Variants in AGAP3 observed in about 807,000 individuals in gnomAD.
AGAP3 encodes ArfGAP with GTPase domain, ankyrin repeat and PH domain 3.
Under a neutral mutation model 96.9 loss-of-function variants are expected in AGAP3, and 24 were observed. The observed-to-expected ratio is 0.25, with a 90% CI of 0.18 to 0.35. The LOEUF (loss-of-function observed/expected upper bound fraction) is 0.35. Among genes scored for constraint, AGAP3 ranks in the 10% least tolerant of loss-of-function variants. AGAP3 has a pLI of 1.00. For missense variants in AGAP3, 876 were observed against 1,254.2 expected (o/e 0.70, Z 4.55); for synonymous variants, 563 against 536.1 (o/e 1.05, Z -0.69).
At position 151,139,950 on chromosome 7, in the gene AGAP3, C is replaced by T; in HGVS notation, c.1667-29C>T. 6.7e-7 allele frequency: 1 copy of T among 1,496,522 alleles called. No individual in the cohort carries two copies. Among genetic ancestry groups the T allele is most frequent in the East Asian group, 2.7e-5 (1 of 37,250 alleles). 92.7% of individuals were successfully genotyped at this position (1,496,522 alleles called of 1,614,324 possible). A position where few individuals can be genotyped will look rare whatever the true frequency, so the allele number is the denominator to read the frequency against. ...CTCCCCTCCTCTGCCTCCCTTCTTC[C>T]CACACTTCTCCAACTCTCCCCTCAC... is the stretch of plus-strand genomic sequence containing the variant. On this transcript the variant is annotated intron_variant, in intron 12 of 17. Transcript: ENST00000397238. This position sits in a 1 kb window ranked among gnomAD's most constrained non-coding sequence, Gnocchi z 4.9.
intron 1 of AGAP3, among the ~76,000 whole-genome samples, chr7:151,100,016 G>A (rs572506966): frequency 5.9e-5 from 9 of 152,266 alleles, no homozygotes; most frequent in African/African-American, 1.4e-4. Flanking sequence ...AAGAGCCCGC[G>A]GTGCTGCAGC....
chr7:151,113,282 G>C (rs758924860), intron 1 of AGAP3, among the ~76,000 whole-genome samples: 2 of 152,308 alleles, frequency 1.3e-5, no homozygotes, highest in East Asian at 1.9e-4. Flanking sequence ...CTTCCATTGT[G>C]GGGGGAACAT....
intron 2 of AGAP3, 45 bp downstream of exon 2, chr7:151,116,896 G>C (rs765380042): frequency 2.5e-6 from 4 of 1,611,258 alleles, no homozygotes; most frequent in East Asian, 2.2e-5. Flanking sequence ...GAGCTGGGGG[G>C]GCGAGGCTGG....
Position 151,108,774 on chromosome 7 carries a change from G to C in AGAP3, c.332-8019G>C, listed in dbSNP as rs1164573076. On this transcript the variant is annotated intron_variant, in intron 1 of 17. Coordinates refer to ENST00000397238, the MANE Select transcript of AGAP3 (RefSeq NM_031946.7). The surrounding 1 kb of genome is among the most constrained non-coding windows in gnomAD (Gnocchi z 4.2). ...TTCTGGAGTCCTGGGCCCTGCCCAGGCTCTGTCACTGCTGGGCTGTGTAAC... is the reference window on the plus strand; with the variant it reads ...TTCTGGAGTCCTGGGCCCTGCCCAGCCTCTGTCACTGCTGGGCTGTGTAAC... Among the ~76,000 whole-genome samples, 1 of 152,222 alleles carries C rather than the reference G, an allele frequency of 6.6e-6. No homozygotes were observed.
chr7:151,134,135 T>C (rs76405180), intron 10 of AGAP3, among the ~76,000 whole-genome samples: 7,643 of 152,246 alleles, frequency 0.05, 338 homozygotes, highest in East Asian at 0.14. Flanking sequence ...CCTGAGGGCC[T>C]GAGCCTCAGC....
In AGAP3 at chr7:151,139,696, C is replaced by A; in HGVS notation, c.1667-283C>A. 1 of 289,602 alleles carries A rather than the reference C, an allele frequency of 3.5e-6. No homozygotes were observed. The highest frequency in any genetic ancestry group is 6.4e-6 in the Non-Finnish European group (1 of 156,872). 17.9% of individuals were successfully genotyped at this position (289,602 alleles called of 1,614,324 possible). On this transcript the variant is annotated intron_variant, in intron 12 of 17. Transcript: ENST00000397238. The surrounding 1 kb of genome is among the most constrained non-coding windows in gnomAD (Gnocchi z 4.9). ...GCTCCCCGTGAGTTCCCTGGGCTGC[C>A]TTCCACCCCTCCAGGCTGCAGAGGC...
At chr7:151,116,486 G>GAT in intron 1 of AGAP3, 1 of 465,264 alleles carries the variant, frequency 2.1e-6, no homozygotes, top group Non-Finnish European at 3.9e-6. Context: ...GCCAGGTGTG[G>GAT]CTTGGTGGGG....
rs1432408826 is a variant in AGAP3 at position 151,144,025 on chromosome 7, CAGAGATGG to C, written c.*86_*93del. ...CCTGCAGGCACTGTGGGAACAGACA[CAGAGATGG>C]AGAAGCAGGGACATGCTGAGAGGAC... On this transcript the variant is annotated 3_prime_UTR_variant, in exon 18 of 18. Transcript: ENST00000397238. 7 of 1,409,174 alleles carry C rather than the reference CAGAGATGG, an allele frequency of 5.0e-6. No homozygotes were observed. Among genetic ancestry groups the C allele is most frequent in the Non-Finnish European group, 5.9e-6 (6 of 1,021,562 alleles). The allele number at this position is 1,409,174 out of a possible 1,614,324, so 87.3% of individuals were successfully genotyped here. A position where few individuals can be genotyped will look rare whatever the true frequency, so the allele number is the denominator to read the frequency against.
At chr7:151,087,322 G>T (rs1177452274) in intron 1 of AGAP3, 3 of 518,912 alleles carry the variant, frequency 5.8e-6, no homozygotes, top group Non-Finnish European at 7.0e-6. Flanking sequence ...GGTGTCGCTT[G>T]GGGGGGCCGG....
chr7:151,104,411 C>T (rs889278536), intron 1 of AGAP3, among the ~76,000 whole-genome samples: 8 of 152,106 alleles, frequency 5.3e-5, no homozygotes, highest in East Asian at 1.9e-4. Flanking sequence ...TTTGCGTGCC[C>T]GCTATACGAA....
intron 9 of AGAP3, among the ~76,000 whole-genome samples, chr7:151,127,206 C>T (rs1254134841): frequency 6.6e-6 from 1 of 152,190 alleles, no homozygotes; most frequent in Non-Finnish European, 1.5e-5. Context: ...TACCCCCCAC[C>T]CTTGGGCGTC....
At chr7:151,090,739 C>A (rs569753890) in intron 1 of AGAP3, among the ~76,000 whole-genome samples, 1 of 152,196 alleles carries the variant, frequency 6.6e-6, no homozygotes, top group East Asian at 1.9e-4. Context: ...GTCAGGAGAT[C>A]GAGACCATCC....
chr7:151,103,780 G>A (rs1288057685), intron 1 of AGAP3, among the ~76,000 whole-genome samples: 1 of 152,192 alleles, frequency 6.6e-6, no homozygotes, highest in Non-Finnish European at 1.5e-5. Context: ...GATGAAACAG[G>A]ATCCAATGTG....
intron 12 of AGAP3, among the ~76,000 whole-genome samples, chr7:151,138,822 G>A (rs957485501): frequency 1.3e-5 from 2 of 152,138 alleles, no homozygotes; most frequent in African/African-American, 4.8e-5. Flanking sequence ...GGAACTGGGG[G>A]GTCCCTGTGG....
At chr7:151,087,470 C>G (rs1244150472) in intron 1 of AGAP3, among the ~76,000 whole-genome samples, 1 of 152,194 alleles carries the variant, frequency 6.6e-6, no homozygotes, top group Non-Finnish European at 1.5e-5. Context: ...GGATCGGAGC[C>G]TCGCGTTAGT....
rs188550040 is a variant in AGAP3 at position 151,090,870 on chromosome 7, G to A, written c.331+3798G>A. 1.3e-4 allele frequency among the ~76,000 whole-genome samples: 20 copies of A among 152,254 alleles called. No individual in the cohort carries two copies. The East Asian group carries it at 3.9e-3, about 29-fold the overall frequency. ...GAGGCAGGAGAATGGTGTGAATCTG[G>A]GAGGCAGAGCTTGCAGTGAGCTGAG... On this transcript the variant is annotated intron_variant, in intron 1 of 17. Transcript: ENST00000397238.
Position 151,117,080 on chromosome 7 carries a change from C to G in AGAP3, c.391-15C>G, listed in dbSNP as rs1799627871. The G allele has an allele frequency of 6.2e-7, 1 of 1,612,352 alleles. No individual in the cohort carries two copies. Among genetic ancestry groups the G allele is most frequent in the Non-Finnish European group, 8.5e-7 (1 of 1,178,838 alleles). On this transcript the variant is annotated splice_polypyrimidine_tract_variant and intron_variant, in intron 2 of 17. Transcript: ENST00000397238. Reference sequence around the variant, plus strand: ...CCTCTGCCCTCTGACCCACTCACCCCTTCCTCTCCCGCAGGGCATAGTGGG... The same window carrying G: ...CCTCTGCCCTCTGACCCACTCACCCGTTCCTCTCCCGCAGGGCATAGTGGG...
chr7:151,111,140 C>A (rs573435233), intron 1 of AGAP3, among the ~76,000 whole-genome samples: 1 of 152,210 alleles, frequency 6.6e-6, no homozygotes, highest in Non-Finnish European at 1.5e-5. Context: ...CACTGCCTCC[C>A]GGGCTCAGTG....
intron 1 of AGAP3, 112 bp downstream of exon 1, chr7:151,087,184 G>GC: frequency 8.6e-7 from 1 of 1,167,230 alleles, no homozygotes; most frequent in Non-Finnish European, 1.2e-6. Flanking sequence ...GTCCTTGCGC[G>GC]CTTGAGGACC....
Sources: allele counts gnomAD v4.1 joint callset (sites outside exome capture counted in the v4.1 genomes callset), GRCh38; gene constraint gnomAD v4.1.1; non-coding constraint Gnocchi (gnomAD v3.1); transcripts MANE v1.5; gene names NCBI Gene and HGNC (gene_info 2026-07-23, HGNC 2026-07-21).